The following FHIT variants were observed in gnomAD, a reference collection of about 807,000 sequenced individuals.
The protein encoded by FHIT is fragile histidine triad diadenosine triphosphatase, also known as bis(5'-adenosyl)-triphosphatase.
Under a neutral mutation model 17.9 loss-of-function variants are expected in FHIT, and 19 were observed. That is an observed-to-expected ratio of 1.06 (90% CI 0.74 to 1.56). The LOEUF (loss-of-function observed/expected upper bound fraction) is 1.56. FHIT is among the 40% of genes most tolerant of loss of function. The pLI, the probability that FHIT is intolerant of heterozygous loss-of-function variation, is 0.00. For missense variants in FHIT, 248 were observed against 189.2 expected, an observed-to-expected ratio of 1.31 and a Z score of -1.82; for synonymous variants, 81 against 69.7, an observed-to-expected ratio of 1.16 and a Z score of -0.81.
chr3:60,335,526 A>G (rs1710191654), intron 5 of FHIT, among the ~76,000 whole-genome samples: 1 of 152,148 alleles, frequency 6.6e-6, no homozygotes, highest in Non-Finnish European at 1.5e-5. Context: ...AGATTCAAAC[A>G]CTATGCCAGG....
intron 5 of FHIT, among the ~76,000 whole-genome samples, chr3:60,421,399 T>C (rs143058316): frequency 2.0e-5 from 3 of 152,298 alleles, no homozygotes; most frequent in African/African-American, 4.8e-5. Flanking sequence ...CATTTTAGCA[T>C]ACTTGGGTTC....
chr3:60,356,905 C>A (rs1699691444), intron 5 of FHIT, among the ~76,000 whole-genome samples: 2 of 152,042 alleles, frequency 1.3e-5, no homozygotes, highest in African/African-American at 4.8e-5. Context: ...AAATGTGTGG[C>A]TAGAACTGGG....
intron 5 of FHIT, among the ~76,000 whole-genome samples, chr3:60,407,943 G>C (rs1333262338): frequency 6.6e-6 from 1 of 152,072 alleles, no homozygotes; most frequent in Non-Finnish European, 1.5e-5. Context: ...ACCATTACTG[G>C]AACCTGTTAA....
intron 1 of FHIT, among the ~76,000 whole-genome samples, chr3:61,245,649 T>A (rs2040471622): frequency 6.6e-6 from 1 of 152,236 alleles, no homozygotes; most frequent in Admixed American, 6.5e-5. Context: ...TTACCTCAGA[T>A]AAATTCATTA....
intron 4 of FHIT, among the ~76,000 whole-genome samples, chr3:60,755,803 C>T (rs1553718126): frequency 6.6e-6 from 1 of 152,160 alleles, no homozygotes; most frequent in Non-Finnish European, 1.5e-5. Flanking sequence ...TCTGAAGTCC[C>T]AGCAAGGAGG....
At chr3:60,328,390 G>A (rs951306113) in intron 5 of FHIT, among the ~76,000 whole-genome samples, 1 of 152,196 alleles carries the variant, frequency 6.6e-6, no homozygotes, top group Non-Finnish European at 1.5e-5. Context: ...CACATGGCTG[G>A]AGAGGCCTTA....
intron 2 of FHIT, among the ~76,000 whole-genome samples, chr3:61,194,244 T>C (rs534128029): frequency 9.2e-5 from 14 of 152,224 alleles, no homozygotes; most frequent in African/African-American, 3.4e-4. Context: ...TGACCCACCT[T>C]AGGGAAGAGG....
chr3:61,109,341 C>A (rs2036085473), intron 2 of FHIT, among the ~76,000 whole-genome samples: 1 of 152,104 alleles, frequency 6.6e-6, no homozygotes, highest in South Asian at 2.1e-4. Context: ...GAGAGTTGTT[C>A]CTAATCTATA....
intron 4 of FHIT, among the ~76,000 whole-genome samples, chr3:60,693,135 G>A (rs991574469): frequency 3.3e-5 from 5 of 152,156 alleles, no homozygotes; most frequent in Non-Finnish European, 5.9e-5. Flanking sequence ...TTTATAGAAA[G>A]TTGAACCAGG....
At position 60,510,899 on chromosome 3, in the gene FHIT, A is replaced by G. The variant is rs573461744; in HGVS notation, c.103+25961T>C. ...TATGTTGTAAATTCAATAGTACATA[A>G]TAGAATCATAGTCTCTAACCTCGGA... On this transcript the variant is annotated intron_variant, in intron 5 of 9. Coordinates refer to ENST00000492590, the MANE Select transcript of FHIT (RefSeq NM_002012.4). 2.4e-4 allele frequency among the ~76,000 whole-genome samples: 37 copies of G among 152,350 alleles called. No homozygotes were observed. The South Asian group carries it at 7.7e-3, about 32-fold the overall frequency.
At chr3:60,722,417 G>C (rs557646795) in intron 4 of FHIT, among the ~76,000 whole-genome samples, 1 of 152,248 alleles carries the variant, frequency 6.6e-6, no homozygotes, top group East Asian at 1.9e-4. Context: ...TACCTTATTT[G>C]TCTCACTCCT....
intron 2 of FHIT, among the ~76,000 whole-genome samples, chr3:61,137,742 C>T (rs1023899431): frequency 3.3e-5 from 5 of 152,170 alleles, no homozygotes; most frequent in Non-Finnish European, 5.9e-5. Context: ...TCTCAGAGCC[C>T]AAGGTTAGAA....
At chr3:60,623,785 A>C (rs906557212) in intron 4 of FHIT, among the ~76,000 whole-genome samples, 3 of 152,108 alleles carry the variant, frequency 2.0e-5, no homozygotes, top group Admixed American at 6.5e-5. Context: ...TCAGGAACAC[A>C]CCGGTTAACC....
intron 5 of FHIT, among the ~76,000 whole-genome samples, chr3:60,165,345 T>C (rs1701123420): frequency 6.6e-6 from 1 of 152,196 alleles, no homozygotes; most frequent in South Asian, 2.1e-4. Context: ...GGCTTAAATC[T>C]CCAGTGCCTT....
At chr3:60,033,955 C>A (rs968402696) in intron 5 of FHIT, among the ~76,000 whole-genome samples, 1 of 152,164 alleles carries the variant, frequency 6.6e-6, no homozygotes, top group Non-Finnish European at 1.5e-5. Context: ...CATCTAAGAA[C>A]AGGCTCTGGG....
intron 7 of FHIT, among the ~76,000 whole-genome samples, chr3:59,997,128 T>G (rs1163431917): frequency 6.6e-6 from 1 of 152,160 alleles, no homozygotes; most frequent in Non-Finnish European, 1.5e-5. Context: ...TGCCCTCATG[T>G]GATTCTAGGC....
At chr3:61,105,160 CA>C (rs2035953479) in intron 2 of FHIT, among the ~76,000 whole-genome samples, 2 of 152,194 alleles carry the variant, frequency 1.3e-5, no homozygotes, top group South Asian at 4.2e-4. Flanking sequence ...TTTGAGTTTT[CA>C]GGATTCTTGT....
intron 2 of FHIT, among the ~76,000 whole-genome samples, chr3:61,175,914 G>A (rs902142168): frequency 6.6e-6 from 1 of 152,168 alleles, no homozygotes; most frequent in Non-Finnish European, 1.5e-5. Context: ...TTAAGACAAT[G>A]GATAACTAAT....
chr3:60,926,881 T>C (rs995274966), intron 3 of FHIT, among the ~76,000 whole-genome samples: 1 of 152,156 alleles, frequency 6.6e-6, no homozygotes, highest in Non-Finnish European at 1.5e-5. Context: ...ATATCACCAC[T>C]GATCCCACAG....
Sources: gnomAD v4.1 joint callset for allele counts (sites outside exome capture counted in the v4.1 genomes callset) on GRCh38, gnomAD v4.1.1 for gene constraint, MANE v1.5 for transcripts, NCBI Gene and HGNC (gene_info 2026-07-23, HGNC 2026-07-21) for gene names.